MTUS2: variants seen among roughly 807,000 people sequenced by gnomAD.
MTUS2 encodes the protein microtubule associated scaffold protein 2.
MTUS2 carries 40 observed loss-of-function variants against 114.1 expected under a neutral mutation model. That is an observed-to-expected ratio of 0.35 (90% CI 0.27 to 0.46). MTUS2 has a LOEUF of 0.46. Ranked by LOEUF, MTUS2 falls within the 20% of genes least tolerant of loss-of-function variation. The pLI, the probability that MTUS2 is intolerant of heterozygous loss-of-function variation, is 1.00. For synonymous variants in MTUS2, 688 were observed against 672.0 expected (o/e 1.02, Z -0.37); for missense variants, 1,679 against 1,705.4 (o/e 0.98, Z 0.27).
intron 5 of MTUS2, among the ~76,000 whole-genome samples, chr13:29,252,242 GT>G (rs1393266149): frequency 6.6e-6 from 1 of 152,060 alleles, no homozygotes; most frequent in African/African-American, 2.4e-5. Flanking sequence ...CTACAAATTA[GT>G]GGAGAAGTAC....
intron 5 of MTUS2, among the ~76,000 whole-genome samples, chr13:29,107,660 A>G (rs368315040): frequency 6.6e-6 from 1 of 152,204 alleles, no homozygotes; most frequent in Non-Finnish European, 1.5e-5. Flanking sequence ...TAGTCTCACA[A>G]GTATCCAGTA....
intron 5 of MTUS2, among the ~76,000 whole-genome samples, chr13:29,167,963 C>T (rs1325136691): frequency 6.6e-6 from 1 of 152,152 alleles, no homozygotes; most frequent in Non-Finnish European, 1.5e-5. Context: ...AATGTTTTTA[C>T]GTCCTTTTAA....
chr13:28,974,118 G>A (rs771246069), intron 2 of MTUS2, among the ~76,000 whole-genome samples: 1 of 152,102 alleles, frequency 6.6e-6, no homozygotes, highest in Non-Finnish European at 1.5e-5. Context: ...TTGTGTGGAC[G>A]CAGAGAGCTA....
chr13:29,188,427 T>G (rs1024170581), intron 5 of MTUS2, among the ~76,000 whole-genome samples: 2 of 152,198 alleles, frequency 1.3e-5, no homozygotes, highest in African/African-American at 2.4e-5. Context: ...CCTAAATTGT[T>G]TATTTCTTAC....
chr13:28,890,877 A>G (rs180752404), intron 2 of MTUS2, among the ~76,000 whole-genome samples: 26 of 152,256 alleles, frequency 1.7e-4, no homozygotes, highest in African/African-American at 6.3e-4. Flanking sequence ...GTCTGTTAGA[A>G]TAGCTTTTCA....
intron 2 of MTUS2, among the ~76,000 whole-genome samples, chr13:28,955,569 T>C (rs1395834429): frequency 6.6e-6 from 1 of 152,208 alleles, no homozygotes; most frequent in Non-Finnish European, 1.5e-5. Context: ...TGTCTGTGTC[T>C]GGGAAAATGG....
chr13:29,430,089 G>A lies in MTUS2; in HGVS notation c.3118-9894G>A, dbSNP rs1244444336. ...AAATATAAAGCATTTGCGCTCAATTGTCTGCACATCTAACACTGAAGTGAT... is the reference window on the plus strand; with the variant it reads ...AAATATAAAGCATTTGCGCTCAATTATCTGCACATCTAACACTGAAGTGAT... On this transcript the variant is annotated intron_variant, in intron 8 of 15. Coordinates refer to ENST00000612955, the MANE Select transcript of MTUS2 (RefSeq NM_001033602.4). Among the ~76,000 whole-genome samples the A allele has an allele frequency of 2.0e-5, 3 of 152,272 alleles. No individual in the cohort carries two copies. In the East Asian group the frequency reaches 5.8e-4, roughly 29 times the overall value.
At chr13:29,232,324 G>A (rs4769701) in intron 5 of MTUS2, among the ~76,000 whole-genome samples, 12,210 of 31,842 alleles carry the variant, frequency 0.38, 1,354 homozygotes, top group African/African-American at 0.46. Context: ...ACACACACAC[G>A]CACACATACA....
intron 5 of MTUS2, among the ~76,000 whole-genome samples, chr13:29,228,690 A>G (rs1485745301): frequency 6.6e-6 from 1 of 152,086 alleles, no homozygotes; most frequent in African/African-American, 2.4e-5. Context: ...AGGTTGTCTG[A>G]GGTGGAAGGG....
chr13:29,110,916 A>G lies in MTUS2; in HGVS notation c.2644+9946A>G, dbSNP rs561168290. ...TCGTATTTTAGAAAAGAAATATGAC[A>G]TATTAGCATGTATAATATGCATAAA... On this transcript the variant is annotated intron_variant, in intron 5 of 15. Transcript: ENST00000612955. Among the ~76,000 whole-genome samples, 7 of 152,370 alleles carry G rather than the reference A, an allele frequency of 4.6e-5. No homozygotes were observed. In the East Asian group the frequency reaches 1.3e-3, roughly 29 times the overall value.
intron 5 of MTUS2, among the ~76,000 whole-genome samples, chr13:29,204,251 C>T (rs1344623091): frequency 6.6e-6 from 1 of 152,226 alleles, no homozygotes; most frequent in Non-Finnish European, 1.5e-5. Flanking sequence ...AACCACCATG[C>T]CCGGCCATGA....
In MTUS2 at chr13:29,504,370, A is replaced by G; in HGVS notation, c.*1164A>G. ...CCTTCACTGCACATTGAGATGGCTC[A>G]GGGGTTCTAGCAGGGGCTTCCAGAA... On this transcript the variant is annotated 3_prime_UTR_variant, in exon 16 of 16. Coordinates refer to ENST00000612955, the MANE Select transcript of MTUS2 (RefSeq NM_001033602.4). 1 of 221,368 alleles carries G rather than the reference A, an allele frequency of 4.5e-6. No individual in the cohort carries two copies. Among genetic ancestry groups the G allele is most frequent in the Non-Finnish European group, 8.7e-6 (1 of 114,364 alleles). The allele number at this position is 221,368 out of a possible 1,614,324, so 13.7% of individuals were successfully genotyped here.
At chr13:29,182,709 G>A (rs536785636) in intron 5 of MTUS2, among the ~76,000 whole-genome samples, 1 of 152,342 alleles carries the variant, frequency 6.6e-6, no homozygotes, top group South Asian at 2.1e-4. Context: ...TGTGTGATAT[G>A]TATGAAGGGA....
intron 5 of MTUS2, among the ~76,000 whole-genome samples, chr13:29,263,027 C>G (rs1346147842): frequency 2.0e-5 from 3 of 152,166 alleles, no homozygotes; most frequent in African/African-American, 7.2e-5. Context: ...GGAAGGTAAA[C>G]AAGCCATTTA....
In MTUS2 at chr13:29,434,254, G is replaced by C. The variant is rs537447522; in HGVS notation, c.3118-5729G>C. ...TTCCTGCAGGGAATTTCATAGACCA[G>C]AGGCAGAAAGTTAGAGGGAAAAGGG... is the stretch of plus-strand genomic sequence containing the variant. On this transcript the variant is annotated intron_variant, in intron 8 of 15. Coordinates refer to ENST00000612955, the MANE Select transcript of MTUS2 (RefSeq NM_001033602.4). 1.4e-4 allele frequency among the ~76,000 whole-genome samples: 21 copies of C among 152,288 alleles called. No homozygotes were observed. In the South Asian group the frequency reaches 4.4e-3, roughly 32 times the overall value.
chr13:29,354,604 A>G (rs1236102004), intron 7 of MTUS2, among the ~76,000 whole-genome samples: 2 of 152,110 alleles, frequency 1.3e-5, no homozygotes, highest in Non-Finnish European at 2.9e-5. Flanking sequence ...ATCTGCTCCT[A>G]CCTTGGGAGT....
chr13:29,465,854 C>T (rs1879849151), intron 9 of MTUS2, among the ~76,000 whole-genome samples: 1 of 152,270 alleles, frequency 6.6e-6, no homozygotes. Context: ...AATGTCCACT[C>T]TGTCTTTGTT....
intron 9 of MTUS2, among the ~76,000 whole-genome samples, chr13:29,440,256 C>G (rs1877733940): frequency 6.6e-6 from 1 of 152,170 alleles, no homozygotes; most frequent in East Asian, 1.9e-4. Context: ...AAGACAGCTT[C>G]CTAACAGTTC....
chr13:29,300,557 G>A (rs1191058439), intron 6 of MTUS2, among the ~76,000 whole-genome samples: 1 of 151,756 alleles, frequency 6.6e-6, no homozygotes, highest in African/African-American at 2.4e-5. Context: ...TTCTTAGTAT[G>A]AGGAGCATGA....
Sources: allele counts gnomAD v4.1 joint callset (sites outside exome capture counted in the v4.1 genomes callset), GRCh38; gene constraint gnomAD v4.1.1; transcripts MANE v1.5; gene names NCBI Gene and HGNC (gene_info 2026-07-23, HGNC 2026-07-21).